Variants in TANC2 observed in about 807,000 individuals in gnomAD.
The protein encoded by TANC2 is tetratricopeptide repeat, ankyrin repeat and coiled-coil containing 2.
In TANC2, 26 loss-of-function variants were observed where a neutral mutation model predicts 210.5. The observed-to-expected ratio is 0.12, with a 90% CI of 0.09 to 0.17. The LOEUF is 0.17. TANC2 is among the 10% of genes least tolerant of loss of function. The pLI is 1.00. For missense variants in TANC2, 2,129 were observed against 2,608.9 expected, an observed-to-expected ratio of 0.82 and a Z score of 4.01; for synonymous variants, 931 against 967.1, an observed-to-expected ratio of 0.96 and a Z score of 0.69.
intron 9 of TANC2, among the ~76,000 whole-genome samples, chr17:63,313,913 G>A (rs760782061): frequency 6.6e-6 from 1 of 152,194 alleles, no homozygotes; most frequent in African/African-American, 2.4e-5. Context: ...TTACTGGTTA[G>A]TAAAGAGCTG....
At chr17:63,102,188 G>A (rs1381734147) in intron 4 of TANC2, among the ~76,000 whole-genome samples, 1 of 152,082 alleles carries the variant, frequency 6.6e-6, no homozygotes, top group Non-Finnish European at 1.5e-5. Context: ...CCACCCATAT[G>A]TAGTCCTAGC....
At chr17:63,365,240 C>T (rs2047075979) in intron 14 of TANC2, among the ~76,000 whole-genome samples, 1 of 152,136 alleles carries the variant, frequency 6.6e-6, no homozygotes, top group South Asian at 2.1e-4. Flanking sequence ...GCGGGTAGAT[C>T]TCCACATTTT....
At chr17:63,268,632 TC>T (rs2043602597) in intron 9 of TANC2, among the ~76,000 whole-genome samples, 1 of 152,230 alleles carries the variant, frequency 6.6e-6, no homozygotes, top group Admixed American at 6.5e-5. Flanking sequence ...AGTGGCCATT[TC>T]TAGTAACATG....
intron 8 of TANC2, among the ~76,000 whole-genome samples, chr17:63,260,025 A>G (rs764512674): frequency 6.6e-6 from 1 of 152,224 alleles, no homozygotes; most frequent in African/African-American, 2.4e-5. Context: ...CAAGGTCACT[A>G]TTACTACTCT....
At chr17:63,258,590 C>T (rs2043266125) in intron 8 of TANC2, among the ~76,000 whole-genome samples, 1 of 152,090 alleles carries the variant, frequency 6.6e-6, no homozygotes, top group African/African-American at 2.4e-5. Flanking sequence ...TCTTCCTCAC[C>T]TTCCATCGTG....
rs1228009461 is a variant in TANC2, at chr17:63,410,941, TAAAA to T, written c.3590-568_3590-565del. 4.2e-5 allele frequency among the ~76,000 whole-genome samples: 5 copies of T among 118,680 alleles called. No homozygotes were observed. The East Asian group carries it at 1.4e-3, about 33-fold the overall frequency. The allele number at this position is 118,680 out of a possible 152,430, so 77.9% of individuals were successfully genotyped here. ...ATTTATTACATGCAAATAGTATACATAAAAAGAAATAATGGAATAAGTTGACTTA... is the reference window on the plus strand; with the variant it reads ...ATTTATTACATGCAAATAGTATACATAGAAATAATGGAATAAGTTGACTTA... On this transcript the variant is annotated intron_variant, in intron 21 of 27. Transcript: ENST00000689528.
At chr17:63,047,707 A>G (rs1335904326) in intron 2 of TANC2, among the ~76,000 whole-genome samples, 3 of 152,166 alleles carry the variant, frequency 2.0e-5, no homozygotes, top group East Asian at 1.9e-4. Flanking sequence ...ATGGATTTAA[A>G]AGTATGTAGA....
intron 9 of TANC2, among the ~76,000 whole-genome samples, chr17:63,274,743 G>A (rs1288755075): frequency 6.6e-6 from 1 of 152,146 alleles, no homozygotes; most frequent in Admixed American, 6.5e-5. Flanking sequence ...ACTTGAACCT[G>A]GGAGGTGGAG....
At position 63,166,309 on chromosome 17, in the gene TANC2, C is replaced by CAGAG. The variant is rs143389476; in HGVS notation, c.433+14947_433+14950dup. Among the ~76,000 whole-genome samples, 569 of 149,448 alleles carry CAGAG rather than the reference C, an allele frequency of 3.8e-3. 1 individual carries two copies. Among genetic ancestry groups the CAGAG allele is most frequent in the African/African-American group, 0.013 (513 of 40,766 alleles). On this transcript the variant is annotated intron_variant, in intron 5 of 27. Transcript: ENST00000689528. ...ATAAAAATTGTATTCCTAGATAGCA[C>CAGAG]AGAGAGAGAGAGAGAGAGAGATAGA...
intron 2 of TANC2, among the ~76,000 whole-genome samples, chr17:63,063,453 C>T (rs7208799): frequency 6.6e-6 from 1 of 151,862 alleles, no homozygotes; most frequent in Non-Finnish European, 1.5e-5. Flanking sequence ...AGAATTAACT[C>T]ATTAGAACAA....
At chr17:63,153,226 C>T (rs907826046) in intron 5 of TANC2, 8 of 152,044 alleles carry the variant, frequency 5.3e-5, no homozygotes, top group Non-Finnish European at 8.8e-5. Context: ...TTTTTTCATG[C>T]AAATTTTAGT....
intron 5 of TANC2, among the ~76,000 whole-genome samples, chr17:63,192,233 A>G (rs1449659180): frequency 6.6e-6 from 1 of 152,360 alleles, no homozygotes; most frequent in Non-Finnish European, 1.5e-5. Flanking sequence ...ATAGGAAAGA[A>G]AAAGTAGATT....
intron 8 of TANC2, among the ~76,000 whole-genome samples, chr17:63,259,019 A>G (rs2043280950): frequency 6.6e-6 from 1 of 152,148 alleles, no homozygotes; most frequent in African/African-American, 2.4e-5. Context: ...TCAAGGCTCA[A>G]GGGCTCTATA....
At chr17:63,132,501 A>G (rs1412384118) in intron 4 of TANC2, among the ~76,000 whole-genome samples, 2 of 152,142 alleles carry the variant, frequency 1.3e-5, no homozygotes, top group African/African-American at 4.8e-5. Flanking sequence ...CTACCCCTAA[A>G]TCAAAGCCTT....
rs1189333667 is a variant in TANC2, at chr17:63,388,723, C to T, written c.2780C>T (p.Ala927Val). Residue 927 changes from alanine (A) to valine (V), a missense_variant, in exon 16 of 28, where the codon GCG (alanine) becomes GTG (valine). Around this residue, in one of 5 missense-constraint regions of TANC2, gnomAD observed 644 missense variants for 937.5 expected, o/e 0.69. Coordinates refer to ENST00000689528, the Ensembl canonical transcript of TANC2. ...ACAGAAGGTCTTTCCATGGCACTGG[C>T]GTCTTTACGAAATCTCTACACTCCA... is the stretch of plus-strand genomic sequence containing the variant. 3 of 1,583,138 alleles carry T rather than the reference C, an allele frequency of 1.9e-6. No homozygotes were observed. Among genetic ancestry groups the T allele is most frequent in the Non-Finnish European group, 2.6e-6 (3 of 1,163,238 alleles).
chr17:63,332,174 C>T (rs2045878970), intron 11 of TANC2: 2 of 369,166 alleles, frequency 5.4e-6, no homozygotes, highest in African/African-American at 2.2e-5. Flanking sequence ...GTTGCAAAGC[C>T]ACACACTGTT....
chr17:63,353,865 T>C (rs2046698818), intron 13 of TANC2, among the ~76,000 whole-genome samples: 1 of 152,136 alleles, frequency 6.6e-6, no homozygotes, highest in African/African-American at 2.4e-5. Context: ...TTATCGGATT[T>C]GGCAAAGTGA....
intron 8 of TANC2, among the ~76,000 whole-genome samples, chr17:63,247,586 AT>A (rs1016329471): frequency 6.6e-6 from 1 of 151,588 alleles, no homozygotes; most frequent in African/African-American, 2.4e-5. Flanking sequence ...ATTGTGAATG[AT>A]TTTTTTATTT....
rs1380535333 is a variant in TANC2 at position 63,314,705 on chromosome 17, T to C, written c.1441+36T>C. ...CTTTTTAAAGAACTCCCTGTTTCAT[T>C]GGCGCTGAAGTTTTTCTGACATATT... On this transcript the variant is annotated intron_variant, in intron 10 of 27. Coordinates refer to ENST00000689528, the Ensembl canonical transcript of TANC2. The C allele has an allele frequency of 1.9e-6, 3 of 1,600,298 alleles. No homozygotes were observed. In the African/African-American group the frequency reaches 4.0e-5, roughly 22 times the overall value.
Sources: allele counts gnomAD v4.1 joint callset (sites outside exome capture counted in the v4.1 genomes callset), GRCh38; gene constraint gnomAD v4.1.1; regional missense constraint gnomAD v4.1.1; transcripts MANE v1.5; gene names NCBI Gene and HGNC (gene_info 2026-07-23, HGNC 2026-07-21).